GSTCD: variants seen among roughly 807,000 people sequenced by gnomAD.
The protein encoded by GSTCD is glutathione S-transferase C-terminal domain-containing protein.
In GSTCD, 44 loss-of-function variants were observed where a neutral mutation model predicts 68.3. The ratio of observed to expected loss-of-function variants is 0.64; its 90% CI spans 0.51 to 0.83. The LOEUF (loss-of-function observed/expected upper bound fraction) is 0.83, where lower values mean the gene tolerates loss of function less well. Among genes scored for constraint, GSTCD ranks in the 40% least tolerant of loss-of-function variants. The pLI is 0.00. For missense variants in GSTCD, 739 were observed against 735.9 expected (o/e 1.00, Z -0.05); for synonymous variants, 273 against 255.2 (o/e 1.07, Z -0.67).
chr4:105,797,489 AT>A (rs1278843279), intron 5 of GSTCD, among the ~76,000 whole-genome samples: 3 of 151,956 alleles, frequency 2.0e-5, no homozygotes, highest in Non-Finnish European at 4.4e-5. Flanking sequence ...AGCATACATA[AT>A]TTTGTTTAAA....
chr4:105,799,505 T>C (rs938720554), intron 5 of GSTCD, among the ~76,000 whole-genome samples: 1 of 152,084 alleles, frequency 6.6e-6, no homozygotes, highest in African/African-American at 2.4e-5. Flanking sequence ...CTAATTCCAG[T>C]ATTTTTGTGT....
chr4:105,768,349 A>T (rs574136427), intron 5 of GSTCD, among the ~76,000 whole-genome samples: 2 of 152,112 alleles, frequency 1.3e-5, no homozygotes, highest in Non-Finnish European at 2.9e-5. Context: ...TATATTCTTA[A>T]ATCTGTGCCT....
At chr4:105,740,813 A>G (rs72671874) in intron 5 of GSTCD, among the ~76,000 whole-genome samples, 8,144 of 152,142 alleles carry the variant, frequency 0.054, 250 homozygotes, top group Middle Eastern at 0.14. Context: ...TCCTACTGTT[A>G]AAGTCTGGGT....
At chr4:105,805,064 G>A (rs950672224) in intron 5 of GSTCD, among the ~76,000 whole-genome samples, 1 of 151,834 alleles carries the variant, frequency 6.6e-6, no homozygotes, top group Admixed American at 6.6e-5. Context: ...GATTACATAG[G>A]TCAATAAGCT....
At chr4:105,831,432 A>G (rs146543582) in intron 8 of GSTCD, among the ~76,000 whole-genome samples, 161 of 152,318 alleles carry the variant, frequency 1.1e-3, no homozygotes, top group African/African-American at 3.7e-3. Context: ...TCTAAAGAAA[A>G]GAGTAAATAG....
chr4:105,726,498 T>C (rs1254567014), intron 3 of GSTCD, 81 bp from the exon 4 acceptor site: 14 of 818,618 alleles, frequency 1.7e-5, no homozygotes, highest in African/African-American at 3.5e-5. Context: ...TGTGTGAATG[T>C]TGTGGTTTGT....
At chr4:105,809,663 C>G (rs999564993) in intron 5 of GSTCD, among the ~76,000 whole-genome samples, 2 of 152,058 alleles carry the variant, frequency 1.3e-5, no homozygotes, top group African/African-American at 2.4e-5. Context: ...TAAAACAGTG[C>G]CTAGCACATC....
rs192123506 is a variant in GSTCD, at chr4:105,786,539, A to C, written c.1241-36415A>C. Among the ~76,000 whole-genome samples the C allele has an allele frequency of 2.7e-3, 413 of 152,138 alleles. 1 individual carries two copies. The highest frequency in any genetic ancestry group is 4.7e-3 in the Non-Finnish European group (321 of 67,998). On this transcript the variant is annotated intron_variant, in intron 5 of 11. Transcript: ENST00000515279. ...CAAAAGAAAAACACCATCCAAAAAA[A>C]AAAAAAAAAGACCACAATCCACATA...
At chr4:105,730,908 T>A (rs952018144) in intron 5 of GSTCD, among the ~76,000 whole-genome samples, 1 of 152,176 alleles carries the variant, frequency 6.6e-6, no homozygotes, top group Non-Finnish European at 1.5e-5. Context: ...CCATCTTGAA[T>A]AATTTTTGTA....
rs547993529 is a variant in GSTCD at position 105,839,662 on chromosome 4, G to A, written c.1695+1773G>A. On this transcript the variant is annotated intron_variant, in intron 10 of 11. Coordinates refer to ENST00000515279, the MANE Select transcript of GSTCD (RefSeq NM_001370181.1). ...TCTCAAGAAAAGAGAGAGAGAGAGAGGAGAGAAGAAAGAGAGGAGAAGAAA... is the reference window on the plus strand; with the variant it reads ...TCTCAAGAAAAGAGAGAGAGAGAGAAGAGAGAAGAAAGAGAGGAGAAGAAA... Among the ~76,000 whole-genome samples, 221 of 151,438 alleles carry A rather than the reference G, an allele frequency of 1.5e-3. 3 individuals carry two copies. The highest frequency in any genetic ancestry group is 8.7e-3 in the East Asian group (45 of 5,148).
chr4:105,841,159 A>C (rs192704400), intron 10 of GSTCD, among the ~76,000 whole-genome samples: 11 of 151,998 alleles, frequency 7.2e-5, no homozygotes, highest in South Asian at 4.2e-4. Context: ...ACTAAAAAAA[A>C]TAAATAAATA....
intron 3 of GSTCD, among the ~76,000 whole-genome samples, chr4:105,723,419 A>G (rs755592266): frequency 2.0e-5 from 3 of 151,936 alleles, no homozygotes; most frequent in Non-Finnish European, 4.4e-5. Context: ...CTGAACATGT[A>G]CTGACTTTTT....
intron 5 of GSTCD, among the ~76,000 whole-genome samples, chr4:105,753,708 T>A (rs1734084271): frequency 6.6e-6 from 1 of 152,084 alleles, no homozygotes; most frequent in South Asian, 2.1e-4. Flanking sequence ...ATAGAATCAA[T>A]CCTTCACTGA....
chr4:105,833,890 T>C (rs1724005205), intron 8 of GSTCD, among the ~76,000 whole-genome samples: 1 of 152,184 alleles, frequency 6.6e-6, no homozygotes, highest in African/African-American at 2.4e-5. Flanking sequence ...TGAAAATAGT[T>C]CCTGTAACTC....
In GSTCD at chr4:105,728,049, A is replaced by G. The variant is rs559766346; in HGVS notation, c.1146+1219A>G. 1.1e-4 allele frequency among the ~76,000 whole-genome samples: 16 copies of G among 152,332 alleles called. No homozygotes were observed. The East Asian group carries it at 2.9e-3, about 28-fold the overall frequency. On this transcript the variant is annotated intron_variant, in intron 4 of 11. Coordinates refer to ENST00000515279, the MANE Select transcript of GSTCD (RefSeq NM_001370181.1). The stretch of plus-strand genomic sequence containing the variant: ...AGCTAAGCTCTGTGGCCTATTGATT[A>G]AGCAATGAAACATGATTATATAGTT...
chr4:105,816,022 A>C (rs1219214050), intron 5 of GSTCD, among the ~76,000 whole-genome samples: 1 of 152,104 alleles, frequency 6.6e-6, no homozygotes, highest in East Asian at 1.9e-4. Context: ...ATCTTAGAGA[A>C]AAAAATAGCA....
intron 5 of GSTCD, among the ~76,000 whole-genome samples, chr4:105,789,738 G>A (rs1306906187): frequency 6.6e-6 from 1 of 151,762 alleles, no homozygotes; most frequent in Admixed American, 6.6e-5. Context: ...TATAATGAAG[G>A]GGAGAGGATT....
chr4:105,738,139 C>T (rs766324542), intron 5 of GSTCD, among the ~76,000 whole-genome samples: 2 of 152,288 alleles, frequency 1.3e-5, no homozygotes, highest in Middle Eastern at 3.4e-3. Flanking sequence ...AAATAAACCT[C>T]TTTTCTTTAT....
intron 8 of GSTCD, among the ~76,000 whole-genome samples, chr4:105,831,993 C>G (rs1376521688): frequency 6.6e-6 from 1 of 151,978 alleles, no homozygotes; most frequent in Non-Finnish European, 1.5e-5. Context: ...TTAACCTTAC[C>G]CCTTATTGCA....
Sources: gnomAD v4.1 joint callset for allele counts (sites outside exome capture counted in the v4.1 genomes callset) on GRCh38, gnomAD v4.1.1 for gene constraint, MANE v1.5 for transcripts, NCBI Gene and HGNC (gene_info 2026-07-23, HGNC 2026-07-21) for gene names.